C12orf42: variants seen among roughly 807,000 people sequenced by gnomAD.
C12orf42 encodes uncharacterized protein C12orf42.
In C12orf42, 25 loss-of-function variants were observed where a neutral mutation model predicts 21.6. The observed-to-expected ratio is 1.16, with a 90% CI of 0.84 to 1.62. The LOEUF (loss-of-function observed/expected upper bound fraction) is 1.62. C12orf42 is among the 40% of genes most tolerant of loss of function. The pLI, the probability that C12orf42 is intolerant of heterozygous loss-of-function variation, is 0.00. For synonymous variants in C12orf42, 174 were observed against 175.0 expected (o/e 0.99, Z 0.05); for missense variants, 483 against 459.3 (o/e 1.05, Z -0.47).
At chr12:103,356,882 T>C (rs890686661) in intron 4 of C12orf42, among the ~76,000 whole-genome samples, 1 of 152,050 alleles carries the variant, frequency 6.6e-6, no homozygotes, top group Non-Finnish European at 1.5e-5. Flanking sequence ...GTTTGTTTTT[T>C]TCTTGTAAAT....
At chr12:103,433,979 A>G (rs1950458639) in intron 2 of C12orf42, among the ~76,000 whole-genome samples, 1 of 152,256 alleles carries the variant, frequency 6.6e-6, no homozygotes, top group African/African-American at 2.4e-5. Context: ...GAGAATTTCT[A>G]TAAGAGTTTT....
intron 2 of C12orf42, among the ~76,000 whole-genome samples, chr12:103,460,332 T>C (rs1952613417): frequency 6.6e-6 from 1 of 151,898 alleles, no homozygotes; most frequent in Non-Finnish European, 1.5e-5. Context: ...GAAAGATTAC[T>C]ATGGGCCAGG....
chr12:103,180,348 A>G, the C12orf42 span, among the ~76,000 whole-genome samples: 2 of 152,140 alleles, frequency 1.3e-5, no homozygotes, highest in Non-Finnish European at 2.9e-5. Flanking sequence ...GCAATAACGA[A>G]CTAAAGATTG....
At chr12:103,519,443 T>C in the C12orf42 span, among the ~76,000 whole-genome samples, 3 of 152,192 alleles carry the variant, frequency 2.0e-5, no homozygotes, top group African/African-American at 7.2e-5. Flanking sequence ...ATGTTTTTAC[T>C]GCCTGGAATG....
the C12orf42 span, among the ~76,000 whole-genome samples, chr12:103,145,578 A>C: frequency 6.6e-6 from 1 of 152,362 alleles, no homozygotes; most frequent in East Asian, 1.9e-4. Flanking sequence ...ACGTATCAAA[A>C]GCCTTAAAAT....
chr12:103,219,345 C>T, the C12orf42 span, among the ~76,000 whole-genome samples: 1 of 152,132 alleles, frequency 6.6e-6, no homozygotes, highest in Non-Finnish European at 1.5e-5. Context: ...AGGATATAGG[C>T]ATGGGCAAAG....
At chr12:103,294,477 G>GAAAGAAA (rs1566025532) in intron 4 of C12orf42, among the ~76,000 whole-genome samples, 1 of 83,440 alleles carries the variant, frequency 1.2e-5, no homozygotes, top group African/African-American at 4.9e-5. Flanking sequence ...AAAGAAATAA[G>GAAAGAAA]CAAGCAAGCA....
At chr12:103,378,916 A>T (rs2138144245) in intron 3 of C12orf42, 1 of 152,342 alleles carries the variant, frequency 6.6e-6, no homozygotes, top group African/African-American at 2.4e-5. Context: ...ATGAAAATTG[A>T]AAGGGAAAAG....
the C12orf42 span, among the ~76,000 whole-genome samples, chr12:103,056,177 T>C: frequency 6.6e-6 from 1 of 152,126 alleles, no homozygotes; most frequent in Non-Finnish European, 1.5e-5. Flanking sequence ...TATTTTTCCT[T>C]TTACTTTTAT....
chr12:103,286,390 T>G (rs1314679013), intron 4 of C12orf42, among the ~76,000 whole-genome samples: 1 of 151,810 alleles, frequency 6.6e-6, no homozygotes, highest in East Asian at 1.9e-4. Context: ...TAGATGCCCA[T>G]GTAGTCAGGC....
chr12:103,484,100 T>C (rs544555141), intron 1 of C12orf42, among the ~76,000 whole-genome samples: 2 of 152,228 alleles, frequency 1.3e-5, no homozygotes, highest in Non-Finnish European at 2.9e-5. Context: ...TTTGCTATTA[T>C]GAATAGTGCC....
At chr12:103,272,860 G>A (rs1003129044) in intron 5 of C12orf42, among the ~76,000 whole-genome samples, 5 of 152,306 alleles carry the variant, frequency 3.3e-5, no homozygotes, top group African/African-American at 9.6e-5. Flanking sequence ...CGGGCCTCCT[G>A]ACTAGCACAT....
chr12:103,318,260 G>C (rs140177363), intron 4 of C12orf42, among the ~76,000 whole-genome samples: 1 of 152,078 alleles, frequency 6.6e-6, no homozygotes, highest in Non-Finnish European at 1.5e-5. Context: ...CTCCAGCCTG[G>C]GCAACAGAGC....
At chr12:103,434,845 G>A (rs1054025929) in intron 2 of C12orf42, among the ~76,000 whole-genome samples, 46 of 152,352 alleles carry the variant, frequency 3.0e-4, no homozygotes, top group African/African-American at 1.1e-3. Flanking sequence ...CCGTTGCCCA[G>A]GCTTGCTTAG....
Position 103,354,721 on chromosome 12 carries a change from A to ATTGTT in C12orf42, c.259+14161_259+14165dup, listed in dbSNP as rs1047070086. ...CGGTAGGGTAACTACAGTTAAGAATATTGTTTTGTTTTGTTTTGTAGAGAT... is the reference window on the plus strand; with the variant it reads ...CGGTAGGGTAACTACAGTTAAGAATATTGTTTTGTTTTGTTTTGTTTTGTAGAGAT... On this transcript the variant is annotated intron_variant, in intron 4 of 5. Transcript: ENST00000548883. 6.6e-5 allele frequency among the ~76,000 whole-genome samples: 10 copies of ATTGTT among 152,168 alleles called. No homozygotes were observed. In the East Asian group the frequency reaches 9.7e-4, roughly 15 times the overall value.
At chr12:103,253,092 G>A (rs1349488378) in intron 10 of C12orf42, among the ~76,000 whole-genome samples, 1 of 152,004 alleles carries the variant, frequency 6.6e-6, no homozygotes, top group African/African-American at 2.4e-5. Context: ...TTTTTGTCAG[G>A]TTTGTCAAAG....
the C12orf42 span, among the ~76,000 whole-genome samples, chr12:103,542,131 T>TCAGCAC: frequency 1.3e-5 from 2 of 152,326 alleles, no homozygotes; most frequent in East Asian, 3.9e-4. Context: ...CATATTCCTG[T>TCAGCAC]CAGCACCATG....
At chr12:103,527,974 T>C in the C12orf42 span, among the ~76,000 whole-genome samples, 3 of 152,246 alleles carry the variant, frequency 2.0e-5, no homozygotes, top group Non-Finnish European at 2.9e-5. Flanking sequence ...TAATTACTCA[T>C]AATTTTCACA....
At chr12:103,081,098 G>T in the C12orf42 span, 9 of 152,168 alleles carry the variant, frequency 5.9e-5, no homozygotes, top group African/African-American at 2.2e-4. Context: ...TAAGTCTTAA[G>T]CATTTGACCA....
Sources: allele counts gnomAD v4.1 joint callset (sites outside exome capture counted in the v4.1 genomes callset), GRCh38; gene constraint gnomAD v4.1.1; transcripts MANE v1.5; gene names NCBI Gene and HGNC (gene_info 2026-07-23, HGNC 2026-07-21).